The following HPSE2 variants were observed in gnomAD, a reference collection of about 807,000 sequenced individuals.
The protein encoded by HPSE2 is heparanase 2 (inactive).
Under a neutral mutation model 60.5 loss-of-function variants are expected in HPSE2, and 38 were observed. The observed-to-expected ratio is 0.63, with a 90% CI of 0.48 to 0.82. HPSE2 has a LOEUF of 0.82. Ranked by LOEUF, HPSE2 falls within the 40% of genes least tolerant of loss-of-function variation. The pLI is 0.00. For synonymous variants in HPSE2, 295 were observed against 293.2 expected (o/e 1.01, Z -0.06); for missense variants, 713 against 740.4 (o/e 0.96, Z 0.43).
At chr10:98,509,304 G>A (rs930865493) in intron 9 of HPSE2, among the ~76,000 whole-genome samples, 6 of 151,724 alleles carry the variant, frequency 4.0e-5, no homozygotes, top group African/African-American at 7.2e-5. Context: ...CAGAGACTCC[G>A]TCTCAAAAAC....
chr10:99,292,463 C>T, the HPSE2 span, among the ~76,000 whole-genome samples: 1 of 152,124 alleles, frequency 6.6e-6, no homozygotes, highest in Non-Finnish European at 1.5e-5. Flanking sequence ...GAGTGCTTAC[C>T]ACATGCTCGG....
the HPSE2 span, among the ~76,000 whole-genome samples, chr10:99,257,670 T>TGATCTTGC: frequency 2.6e-5 from 4 of 152,316 alleles, no homozygotes; most frequent in South Asian, 8.3e-4. Context: ...TGTGGTCCTG[T>TGATCTTGC]GATCTTGCCC....
Position 98,962,737 on chromosome 10 carries a change from A to C in HPSE2, c.610+181501T>G, listed in dbSNP as rs1398414522. On this transcript the variant is annotated intron_variant, in intron 3 of 11. Transcript: ENST00000370552. The stretch of plus-strand genomic sequence containing the variant: ...TGATAAGCAACTTCAGCAAAGTCTC[A>C]GGATACAAAATCAATGTACAAAAAT... 3.3e-5 allele frequency among the ~76,000 whole-genome samples: 5 copies of C among 149,816 alleles called. No homozygotes were observed. The East Asian group carries it at 7.8e-4, about 23-fold the overall frequency.
chr10:98,959,953 C>A (rs574683684), intron 3 of HPSE2, among the ~76,000 whole-genome samples: 1 of 152,192 alleles, frequency 6.6e-6, no homozygotes, highest in African/African-American at 2.4e-5. Flanking sequence ...TTTTTCCCCC[C>A]ACAGGAATAT....
chr10:98,656,018 C>A (rs1947051845), intron 6 of HPSE2, among the ~76,000 whole-genome samples: 1 of 151,630 alleles, frequency 6.6e-6, no homozygotes, highest in African/African-American at 2.4e-5. Context: ...GGATAAAATC[C>A]AACATGTGAG....
chr10:98,692,765 T>C (rs950407126), intron 6 of HPSE2, among the ~76,000 whole-genome samples: 2 of 131,286 alleles, frequency 1.5e-5, no homozygotes, highest in Non-Finnish European at 3.4e-5. Context: ...CGAGACTCTG[T>C]CTCAAACAAA....
chr10:99,089,967 C>A (rs1005459995), intron 3 of HPSE2, among the ~76,000 whole-genome samples: 1 of 152,082 alleles, frequency 6.6e-6, no homozygotes, highest in African/African-American at 2.4e-5. Flanking sequence ...TGATTTAATT[C>A]TCAGCTTGAT....
At chr10:98,533,852 T>G (rs1051721349) in intron 9 of HPSE2, among the ~76,000 whole-genome samples, 2 of 152,218 alleles carry the variant, frequency 1.3e-5, no homozygotes, top group African/African-American at 4.8e-5. Flanking sequence ...GCTGATTTTG[T>G]TGGTCATTAA....
At chr10:98,599,885 T>C (rs1192461386) in intron 9 of HPSE2, among the ~76,000 whole-genome samples, 6 of 152,202 alleles carry the variant, frequency 3.9e-5, no homozygotes, top group Admixed American at 3.9e-4. Flanking sequence ...CTTGCTGCTA[T>C]ACTCCCAGCC....
At chr10:98,945,262 T>C (rs985795745) in intron 3 of HPSE2, among the ~76,000 whole-genome samples, 12 of 152,166 alleles carry the variant, frequency 7.9e-5, no homozygotes, top group African/African-American at 2.9e-4. Context: ...ATGGTCACAA[T>C]GTACAAGTTT....
chr10:99,218,724 A>G (rs573311758), intron 2 of HPSE2, among the ~76,000 whole-genome samples: 1 of 152,318 alleles, frequency 6.6e-6, no homozygotes, highest in East Asian at 1.9e-4. Context: ...GCTTCTACAA[A>G]TGTTCTATGA....
At chr10:98,607,182 T>C (rs1945617073) in intron 9 of HPSE2, among the ~76,000 whole-genome samples, 1 of 151,670 alleles carries the variant, frequency 6.6e-6, no homozygotes, top group Non-Finnish European at 1.5e-5. Context: ...GTGAGTGCAG[T>C]TCTTCTCATT....
At chr10:98,535,447 G>A (rs1428268274) in intron 9 of HPSE2, among the ~76,000 whole-genome samples, 1 of 152,064 alleles carries the variant, frequency 6.6e-6, no homozygotes, top group Admixed American at 6.6e-5. Context: ...CACCCTCTGA[G>A]GGTGATGCCA....
At chr10:98,779,020 C>T (rs1051861630) in intron 3 of HPSE2, among the ~76,000 whole-genome samples, 1 of 152,042 alleles carries the variant, frequency 6.6e-6, no homozygotes, top group Admixed American at 6.6e-5. Flanking sequence ...TATCAAATTG[C>T]AAATGAATAT....
At chr10:98,949,929 A>G (rs1955304996) in intron 3 of HPSE2, among the ~76,000 whole-genome samples, 1 of 152,192 alleles carries the variant, frequency 6.6e-6, no homozygotes, top group African/African-American at 2.4e-5. Flanking sequence ...AAAAATGATA[A>G]CAGCATTTAT....
intron 9 of HPSE2, among the ~76,000 whole-genome samples, chr10:98,506,603 T>C (rs1942208319): frequency 1.3e-5 from 2 of 152,098 alleles, no homozygotes; most frequent in Admixed American, 1.3e-4. Flanking sequence ...AATACAGGTG[T>C]GCACCACTAT....
At chr10:99,101,570 G>A (rs1433190699) in intron 3 of HPSE2, among the ~76,000 whole-genome samples, 1 of 152,126 alleles carries the variant, frequency 6.6e-6, no homozygotes, top group Non-Finnish European at 1.5e-5. Context: ...GTCAACATTA[G>A]ATCAACAAGA....
At chr10:99,073,803 T>A (rs572742704) in intron 3 of HPSE2, among the ~76,000 whole-genome samples, 1 of 152,332 alleles carries the variant, frequency 6.6e-6, no homozygotes, top group South Asian at 2.1e-4. Context: ...TTATTCTTTT[T>A]GATGCTATCA....
At chr10:98,473,030 A>T (rs1416356072) in intron 11 of HPSE2, among the ~76,000 whole-genome samples, 4 of 152,372 alleles carry the variant, frequency 2.6e-5, no homozygotes, top group Non-Finnish European at 2.9e-5. Flanking sequence ...ATTAATGCTC[A>T]AAGAATAGAA....
Sources: gnomAD v4.1 joint callset for allele counts (sites outside exome capture counted in the v4.1 genomes callset) on GRCh38, gnomAD v4.1.1 for gene constraint, MANE v1.5 for transcripts, NCBI Gene and HGNC (gene_info 2026-07-23, HGNC 2026-07-21) for gene names.